Variants in SGCD observed in about 807,000 individuals in gnomAD.
SGCD encodes the protein sarcoglycan delta, also known as delta-sarcoglycan.
Under a neutral mutation model 36.6 loss-of-function variants are expected in SGCD, and 18 were observed. That is an observed-to-expected ratio of 0.49 (90% CI 0.34 to 0.73). The LOEUF (loss-of-function observed/expected upper bound fraction) is 0.73. Among genes scored for constraint, SGCD ranks in the 30% least tolerant of loss-of-function variants. The pLI is 0.01. For synonymous variants in SGCD, 133 were observed against 130.6 expected (o/e 1.02, Z -0.12); for missense variants, 387 against 346.7 (o/e 1.12, Z -0.92).
At position 155,893,347 on chromosome 5, in the gene SGCD, G is replaced by A. The variant is rs559239118; in HGVS notation, c.-282+22923G>A. Among the ~76,000 whole-genome samples the A allele has an allele frequency of 1.6e-4, 25 of 152,236 alleles. No individual in the cohort carries two copies. The South Asian group carries it at 4.6e-3, about 28-fold the overall frequency. ...GGAGCTGAAATAATACACATCTATT[G>A]TCTGAATGCCACCTATTGTAAACTC... On this transcript the variant is annotated intron_variant, in intron 1 of 9. Coordinates refer to the SGCD transcript ENST00000517913.
At chr5:156,630,354 T>A (rs115124378) in intron 6 of SGCD, among the ~76,000 whole-genome samples, 2,599 of 152,262 alleles carry the variant, frequency 0.017, 80 homozygotes, top group African/African-American at 0.059. Context: ...GATGGACAGA[T>A]GGACAAATGG....
At chr5:156,262,180 C>T (rs1581203214) in intron 3 of SGCD, among the ~76,000 whole-genome samples, 1 of 152,130 alleles carries the variant, frequency 6.6e-6, no homozygotes, top group East Asian at 1.9e-4. Context: ...CTCACTGACT[C>T]ACTCAGAGCA....
chr5:155,977,529 G>A (rs1200744846), intron 1 of SGCD, among the ~76,000 whole-genome samples: 1 of 152,134 alleles, frequency 6.6e-6, no homozygotes, highest in Non-Finnish European at 1.5e-5. Flanking sequence ...ATGATTGGGT[G>A]AATACATTTT....
At chr5:156,074,046 A>T (rs1760686369) in intron 1 of SGCD, among the ~76,000 whole-genome samples, 1 of 152,260 alleles carries the variant, frequency 6.6e-6, no homozygotes, top group South Asian at 2.1e-4. Context: ...CGAGCTAGGA[A>T]TAAGGAAGAG....
rs111849448 is a variant in SGCD at position 156,348,530 on chromosome 5, G to C, written c.192+3853G>C. 2.5e-3 allele frequency among the ~76,000 whole-genome samples: 386 copies of C among 152,122 alleles called. 2 individuals carry two copies. Among genetic ancestry groups the C allele is most frequent in the African/African-American group, 6.4e-3 (265 of 41,500 alleles). On this transcript the variant is annotated intron_variant, in intron 3 of 8. Transcript: ENST00000337851. ...AGCTACAAAAATTTTAAATACCTAGGAAGATACTTAAGCAAGGAGGTAAAA... is the reference window on the plus strand; with the variant it reads ...AGCTACAAAAATTTTAAATACCTAGCAAGATACTTAAGCAAGGAGGTAAAA...
chr5:156,130,376 G>A (rs1466784269), intron 3 of SGCD, among the ~76,000 whole-genome samples: 1 of 152,136 alleles, frequency 6.6e-6, no homozygotes, highest in African/African-American at 2.4e-5. Flanking sequence ...GTAGATGCTG[G>A]ACATTAGACC....
At chr5:155,734,071 ATAT>A in the SGCD span, among the ~76,000 whole-genome samples, 8 of 147,060 alleles carry the variant, frequency 5.4e-5, no homozygotes, top group Admixed American at 3.4e-4. Context: ...TTTATTTATT[ATAT>A]TATTATTATA....
At chr5:156,105,751 C>T (rs1761630425) in intron 1 of SGCD, among the ~76,000 whole-genome samples, 1 of 152,092 alleles carries the variant, frequency 6.6e-6, no homozygotes, top group Admixed American at 6.6e-5. Flanking sequence ...AGTGTGAAGA[C>T]ACTGCCATGT....
At chr5:156,012,321 C>T (rs1391364176) in intron 1 of SGCD, among the ~76,000 whole-genome samples, 2 of 152,148 alleles carry the variant, frequency 1.3e-5, no homozygotes, top group Non-Finnish European at 2.9e-5. Context: ...CGTATTATTA[C>T]AGAGTAGCAA....
intron 1 of SGCD, among the ~76,000 whole-genome samples, chr5:156,026,777 A>T (rs1759234285): frequency 6.6e-6 from 1 of 152,174 alleles, no homozygotes. Context: ...ATCATGGAAT[A>T]TGGGTCTTTG....
intron 1 of SGCD, among the ~76,000 whole-genome samples, chr5:156,018,522 A>G (rs1054773034): frequency 6.6e-6 from 1 of 152,246 alleles, no homozygotes; most frequent in Admixed American, 6.5e-5. Flanking sequence ...AGACTTATGT[A>G]CACGTGTATT....
chr5:156,614,728 C>T (rs1761959354), intron 6 of SGCD, among the ~76,000 whole-genome samples: 1 of 152,202 alleles, frequency 6.6e-6, no homozygotes, highest in South Asian at 2.1e-4. Context: ...TTGCCTCAAA[C>T]TGTCTTCTCA....
intron 7 of SGCD, among the ~76,000 whole-genome samples, chr5:156,740,016 C>T (rs1756588012): frequency 6.6e-6 from 1 of 152,206 alleles, no homozygotes; most frequent in African/African-American, 2.4e-5. Context: ...TCTGCAGTTC[C>T]TTTGAATCAG....
At chr5:155,980,281 T>C (rs1017134175) in intron 1 of SGCD, among the ~76,000 whole-genome samples, 5 of 151,938 alleles carry the variant, frequency 3.3e-5, no homozygotes, top group African/African-American at 1.2e-4. Flanking sequence ...ATGACTGAAA[T>C]AGACTAGTAA....
At chr5:156,369,021 G>C (rs533306010) in intron 3 of SGCD, among the ~76,000 whole-genome samples, 1 of 152,310 alleles carries the variant, frequency 6.6e-6, no homozygotes, top group South Asian at 2.1e-4. Flanking sequence ...ATGCTTGAAG[G>C]CAGTGAGGTA....
intron 3 of SGCD, among the ~76,000 whole-genome samples, chr5:156,453,355 C>T (rs1337855621): frequency 6.6e-6 from 1 of 152,130 alleles, no homozygotes. Flanking sequence ...AGCTGTTTTA[C>T]AAGGTAGTGA....
chr5:156,543,199 T>C (rs542340614), intron 4 of SGCD, among the ~76,000 whole-genome samples: 1 of 152,376 alleles, frequency 6.6e-6, no homozygotes, highest in East Asian at 1.9e-4. Context: ...TCCTGTGCAC[T>C]GTAGGATCAG....
Position 156,594,950 on chromosome 5 carries a change from C to T in SGCD, c.401C>T (p.Ala134Val), listed in dbSNP as rs776098396. The change falls in exon 6 of 9, where the codon GCT (alanine) becomes GTT (valine). Residue 134 changes from alanine (A) to valine (V), a missense_variant. Transcript: ENST00000337851. Reference protein sequence around the residue: ...QLITGPKAVEAYGKKFEVKTV... With the variant: ...QLITGPKAVEVYGKKFEVKTV... Reference sequence around the variant, plus strand: ...CTCTCAGGTCCAAAAGCCGTAGAAGCTTATGGTAAAAAATTTGAGGTAAAA... The same window carrying T: ...CTCTCAGGTCCAAAAGCCGTAGAAGTTTATGGTAAAAAATTTGAGGTAAAA... 5 of 1,609,050 alleles carry T rather than the reference C, an allele frequency of 3.1e-6. No homozygotes were observed. In the African/African-American group the frequency reaches 5.3e-5, roughly 17 times the overall value.
chr5:156,661,716 A>G (rs1415178994), intron 7 of SGCD, among the ~76,000 whole-genome samples: 6 of 150,486 alleles, frequency 4.0e-5, no homozygotes, highest in African/African-American at 1.5e-4. Context: ...ATGATTATCA[A>G]TAAGTCCCAC....
Sources: allele counts gnomAD v4.1 joint callset (sites outside exome capture counted in the v4.1 genomes callset), GRCh38; gene constraint gnomAD v4.1.1; transcripts MANE v1.5; gene names NCBI Gene and HGNC (gene_info 2026-07-23, HGNC 2026-07-21).